TAS2R20: variants seen among roughly 807,000 people sequenced by gnomAD.
The protein encoded by TAS2R20 is taste receptor type 2 member 20.
For missense variants in TAS2R20, 364 were observed against 352.2 expected, an observed-to-expected ratio of 1.03 and a Z score of -0.27; for synonymous variants, 136 against 127.1, an observed-to-expected ratio of 1.07 and a Z score of -0.47.
chr12:10,997,728 C>A lies in TAS2R20; in HGVS notation c.148G>T (p.Ala50Ser). ...KISSADQIIA[A>S]LAVSRVGLLW... ...AAACCAACTCTGGAGACTGCCAGAG[C>A]AGCAATAATTTGATCAGCTGAGGAG... Residue 50 changes from alanine (A) to serine (S), a missense_variant, in exon 1 of 1, where the codon GCT (alanine) becomes TCT (serine). Physicochemically the swap from Ala to Ser is moderately conservative, Grantham distance 99. Coordinates refer to ENST00000538986, the MANE Select transcript of TAS2R20 (RefSeq NM_176889.4). 6.2e-7 allele frequency: 1 copy of A among 1,613,902 alleles called. No individual in the cohort carries two copies. Among genetic ancestry groups the A allele is most frequent in the South Asian group, 1.1e-5 (1 of 91,044 alleles).
rs1333388892 is a variant in TAS2R20 at position 10,996,068 on chromosome 12, G to C, written c.*878C>G. 6.6e-6 allele frequency among the ~76,000 whole-genome samples: 1 copy of C among 151,780 alleles called. No homozygotes were observed. The highest frequency in any genetic ancestry group is 1.5e-5 in the Non-Finnish European group (1 of 67,984). On this transcript the variant is annotated 3_prime_UTR_variant, in exon 1 of 1. Transcript: ENST00000538986. ...TTCATCATGAATGTCTATAATCCCAGCACTTTGGGAGGCTGAGGCAGTGGA... is the reference window on the plus strand; with the variant it reads ...TTCATCATGAATGTCTATAATCCCACCACTTTGGGAGGCTGAGGCAGTGGA...
chr12:10,997,700 A>T lies in TAS2R20; in HGVS notation c.176T>A (p.Leu59His), dbSNP rs775659847. Residue 59 changes from leucine to histidine, a missense_variant, in exon 1 of 1, where the codon CTC (leucine) becomes CAC (histidine). Coordinates refer to ENST00000538986, the MANE Select transcript of TAS2R20 (RefSeq NM_176889.4). ...AALAVSRVGLLWVILLHWYST... is the reference protein window; with the variant it reads ...AALAVSRVGLHWVILLHWYST... ...ATACCAATGTAATAATATTACCCAG[A>T]GCAAACCAACTCTGGAGACTGCCAG... is the stretch of plus-strand genomic sequence containing the variant. The T allele has an allele frequency of 5.6e-6, 9 of 1,613,876 alleles. No homozygotes were observed. The highest frequency in any genetic ancestry group is 1.7e-5 in the Admixed American group (1 of 59,962).
At position 10,998,055 on chromosome 12, in the gene TAS2R20, G is replaced by A. The variant is rs563920763; in HGVS notation, c.-180C>T. ...AGCACCAGCTTAAACTAATGAATGA[G>A]TTCAATGCTGCCTTTATGGGAAATA... On this transcript the variant is annotated 5_prime_UTR_variant, in exon 1 of 1. Coordinates refer to ENST00000538986, the MANE Select transcript of TAS2R20 (RefSeq NM_176889.4). Among the ~76,000 whole-genome samples, 133 of 152,248 alleles carry A rather than the reference G, an allele frequency of 8.7e-4. No homozygotes were observed. The highest frequency in any genetic ancestry group is 3.0e-3 in the African/African-American group (124 of 41,558).
chr12:10,997,188 T>G lies in TAS2R20; in HGVS notation c.688A>C (p.Thr230Pro). 6.2e-7 allele frequency: 1 copy of G among 1,614,070 alleles called. No homozygotes were observed. Among genetic ancestry groups the G allele is most frequent in the Non-Finnish European group, 8.5e-7 (1 of 1,179,970 alleles). The part of the protein sequence containing the change: ...STKIHIKALQ[T>P]VTSFLILLAI... ...AGTAATATGAGGAAGGAGGTCACAG[T>G]TTGCAGAGCTTTTATGTGGATCTTG... The change falls in exon 1 of 1, where the codon ACT becomes CCT. Residue 230 changes from threonine to proline, a missense_variant. Thr to Pro is a conservative substitution (Grantham distance 38). Transcript: ENST00000538986.
In TAS2R20 at chr12:10,997,134, A is replaced by G. The variant is rs781637893; in HGVS notation, c.742T>C (p.Ser248Pro). The G allele has an allele frequency of 3.1e-6, 5 of 1,613,976 alleles. No homozygotes were observed. In the East Asian group the frequency reaches 6.7e-5, roughly 22 times the overall value. Residue 248 changes from serine to proline, a missense_variant, in exon 1 of 1, where the codon TCG becomes CCG. By Grantham distance (74) the Ser-to-Pro change is moderately conservative. Transcript: ENST00000538986. ...GGTCGCATCTTAAAATTCCAAAACGATATGATTAGACACAGAAAGTAAATG... is the reference window on the plus strand; with the variant it reads ...GGTCGCATCTTAAAATTCCAAAACGGTATGATTAGACACAGAAAGTAAATG... ...LAIYFLCLII[S>P]FWNFKMRPKE...
Position 10,998,014 on chromosome 12 carries a change from A to G in TAS2R20, c.-139T>C. On this transcript the variant is annotated 5_prime_UTR_variant, in exon 1 of 1. Transcript: ENST00000538986. ...TTCTTTATACTTTTAAATTCTGTGA[A>G]CAATGTCAACAGAAAAGCACCAGCT... 1 of 595,662 alleles carries G rather than the reference A, an allele frequency of 1.7e-6. No homozygotes were observed. The highest frequency in any genetic ancestry group is 3.3e-5 in the South Asian group (1 of 30,560). 36.9% of individuals were successfully genotyped at this position (595,662 alleles called of 1,614,324 possible). A position where few individuals can be genotyped will look rare whatever the true frequency, so the allele number is the denominator to read the frequency against.
Position 10,997,973 on chromosome 12 carries a change from T to TG in TAS2R20, c.-99dup. ...TTAAGTTAAATATGCACTTGATTCCTGAATGTCCAATAACATTCTTTATAC... is the reference window on the plus strand; with the variant it reads ...TTAAGTTAAATATGCACTTGATTCCTGGAATGTCCAATAACATTCTTTATAC... On this transcript the variant is annotated 5_prime_UTR_variant, in exon 1 of 1. It removes the in-frame stop codon of an upstream open reading frame in the 5' UTR. Coordinates refer to ENST00000538986, the MANE Select transcript of TAS2R20 (RefSeq NM_176889.4). The TG allele has an allele frequency of 1.4e-6, 1 of 740,228 alleles. No individual in the cohort carries two copies. The highest frequency in any genetic ancestry group is 3.0e-5 in the Admixed American group (1 of 32,882). The allele number at this position is 740,228 out of a possible 1,614,324, so 45.9% of individuals were successfully genotyped here. A position where few individuals can be genotyped will look rare whatever the true frequency, so the allele number is the denominator to read the frequency against.
rs1940205334 is a variant in TAS2R20, at chr12:10,995,962, AT to A, written c.*983del. 6.6e-6 allele frequency among the ~76,000 whole-genome samples: 1 copy of A among 151,984 alleles called. No individual in the cohort carries two copies. On this transcript the variant is annotated 3_prime_UTR_variant, in exon 1 of 1. Coordinates refer to ENST00000538986, the MANE Select transcript of TAS2R20 (RefSeq NM_176889.4). ...ACACATAAAAATGTACACTAGATAT[AT>A]TTTTCACCCTTGAATTTTATTTTGT...
rs11054142 is a variant in TAS2R20 at position 10,997,615 on chromosome 12, G to A, written c.261C>T (p.Ala87=). 574,324 of 1,613,298 alleles carry A rather than the reference G, an allele frequency of 0.36. 113,725 individuals carry two copies. Among genetic ancestry groups the A allele is most frequent in the East Asian group, 0.75 (33,506 of 44,846 alleles). ...TGCTGAAATGATTGGTTACTGCCCA[G>A]GCATTAGAAATAAAAATTATTACTT... ...NLKVIIFISN[A]WAVTNHFSIW... Residue 87 remains alanine (A), a synonymous_variant, in exon 1 of 1, where the codon GCC becomes GCT. Coordinates refer to ENST00000538986, the MANE Select transcript of TAS2R20 (RefSeq NM_176889.4).
chr12:10,997,787 A>G lies in TAS2R20; in HGVS notation c.89T>C (p.Ile30Thr), dbSNP rs1346676228. 4 of 1,613,680 alleles carry G rather than the reference A, an allele frequency of 2.5e-6. No homozygotes were observed. Among genetic ancestry groups the G allele is most frequent in the African/African-American group, 1.3e-5 (1 of 74,924 alleles). The change falls in exon 1 of 1, where the codon ATA becomes ACA. Residue 30 changes from isoleucine to threonine, a missense_variant. By Grantham distance (89) the Ile-to-Thr change is moderately conservative (BLOSUM62 -1). Transcript: ENST00000538986. ...GNFANGFIAL[I>T]NFIAWVKRQK... is the part of the protein sequence containing the mutation. ...TCTCTTGACCCAGGCAATGAAATTT[A>G]TCAGTGCTATAAAGCCATTGGCAAA...
chr12:10,997,996 T>C lies in TAS2R20; in HGVS notation c.-121A>G, dbSNP rs1410876604. On this transcript the variant is annotated 5_prime_UTR_variant, in exon 1 of 1. Coordinates refer to ENST00000538986, the MANE Select transcript of TAS2R20 (RefSeq NM_176889.4). ...CCTGAATGTCCAATAACATTCTTTA[T>C]ACTTTTAAATTCTGTGAACAATGTC... 1.4e-5 allele frequency: 9 copies of C among 639,874 alleles called. No homozygotes were observed. Among genetic ancestry groups the C allele is most frequent in the African/African-American group, 1.3e-4 (7 of 54,730 alleles). 39.6% of individuals were successfully genotyped at this position (639,874 alleles called of 1,614,324 possible). A position where few individuals can be genotyped will look rare whatever the true frequency, so the allele number is the denominator to read the frequency against.
Position 10,997,760 on chromosome 12 carries a change from T to C in TAS2R20, c.116A>G (p.Gln39Arg), listed in dbSNP as rs144230027. The C allele has an allele frequency of 4.4e-5, 71 of 1,613,846 alleles. No homozygotes were observed. In the Admixed American group the frequency reaches 7.8e-4, roughly 18 times the overall value. Residue 39 changes from glutamine (Q) to arginine (R), a missense_variant, in exon 1 of 1, where the codon CAA becomes CGA. Physicochemically the swap from Gln to Arg is conservative, Grantham distance 43. Transcript: ENST00000538986. Reference protein sequence around the residue: ...LINFIAWVKRQKISSADQIIA... With the variant: ...LINFIAWVKRRKISSADQIIA... Reference sequence around the variant, plus strand: ...AATTTGATCAGCTGAGGAGATCTTTTGTCTCTTGACCCAGGCAATGAAATT... The same window carrying C: ...AATTTGATCAGCTGAGGAGATCTTTCGTCTCTTGACCCAGGCAATGAAATT...
rs367644602 is a variant in TAS2R20, at chr12:10,997,071, T to G, written c.805A>C (p.Ile269Leu). 1.2e-5 allele frequency: 20 copies of G among 1,614,054 alleles called. No individual in the cohort carries two copies. Among genetic ancestry groups the G allele is most frequent in the Non-Finnish European group, 1.7e-5 (20 of 1,179,958 alleles). ...IVLMLCQAFG[I>L]IYPSFHSFIL... ...AATGAGTGGAATGATGGATATATGA[T>G]TCCAAAAGCTTGGCAAAGCATTAAG... The change falls in exon 1 of 1, where the codon ATC becomes CTC. Residue 269 changes from isoleucine (I) to leucine (L), a missense_variant. Physicochemically the swap from Ile to Leu is conservative, Grantham distance 5. Coordinates refer to ENST00000538986, the MANE Select transcript of TAS2R20 (RefSeq NM_176889.4).
rs753802822 is a variant in TAS2R20, at chr12:10,997,096, G to A, written c.780C>T (p.Val260=). The A allele has an allele frequency of 5.6e-6, 9 of 1,613,928 alleles. No individual in the cohort carries two copies. The highest frequency in any genetic ancestry group is 6.8e-6 in the Non-Finnish European group (8 of 1,179,980). ...TTCCAAAAGCTTGGCAAAGCATTAAGACAATTTCTTTTGGTCGCATCTTAA... is the reference window on the plus strand; with the variant it reads ...TTCCAAAAGCTTGGCAAAGCATTAAAACAATTTCTTTTGGTCGCATCTTAA... ...WNFKMRPKEI[V]LMLCQAFGII... is the part of the protein sequence containing the mutation. Residue 260 remains valine (V), a synonymous_variant, in exon 1 of 1, where the codon GTC becomes GTT. Coordinates refer to ENST00000538986, the MANE Select transcript of TAS2R20 (RefSeq NM_176889.4).
At position 10,997,961 on chromosome 12, in the gene TAS2R20, G is replaced by A. The variant is rs934160984; in HGVS notation, c.-86C>T. The A allele has an allele frequency of 1.4e-5, 11 of 781,932 alleles. No individual in the cohort carries two copies. The African/African-American group carries it at 1.9e-4, about 14-fold the overall frequency. 48.4% of individuals were successfully genotyped at this position (781,932 alleles called of 1,614,324 possible). A position where few individuals can be genotyped will look rare whatever the true frequency, so the allele number is the denominator to read the frequency against. ...ATATTCAAGACTTTAAGTTAAATATGCACTTGATTCCTGAATGTCCAATAA... is the reference window on the plus strand; with the variant it reads ...ATATTCAAGACTTTAAGTTAAATATACACTTGATTCCTGAATGTCCAATAA... On this transcript the variant is annotated 5_prime_UTR_variant, in exon 1 of 1. Transcript: ENST00000538986.
At position 10,997,591 on chromosome 12, in the gene TAS2R20, G is replaced by A; in HGVS notation, c.285C>T (p.Ser95=). The change falls in exon 1 of 1, where the codon AGC becomes AGT. Residue 95 remains serine (S), a synonymous_variant. Transcript: ENST00000538986. ...TGCTGAGGCTAGTAGCAAGCCAGAT[G>A]CTGAAATGATTGGTTACTGCCCAGG... ...SNAWAVTNHF[S]IWLATSLSIF... The A allele has an allele frequency of 6.2e-7, 1 of 1,614,082 alleles. No individual in the cohort carries two copies. The highest frequency in any genetic ancestry group is 8.5e-7 in the Non-Finnish European group (1 of 1,179,972).
chr12:10,997,232 C>T lies in TAS2R20; in HGVS notation c.644G>A (p.Gly215Glu), dbSNP rs758551086. The T allele has an allele frequency of 2.5e-5, 40 of 1,613,828 alleles. No homozygotes were observed. The highest frequency in any genetic ancestry group is 3.3e-5 in the Non-Finnish European group (39 of 1,179,918). ...GATCTTGGTGCTGGGATCTTGAGATCCTTTGCCATGGAGCTGCATCTTCTT... is the reference window on the plus strand; with the variant it reads ...GATCTTGGTGCTGGGATCTTGAGATTCTTTGCCATGGAGCTGCATCTTCTT... ...HLKKMQLHGK[G>E]SQDPSTKIHI... The change falls in exon 1 of 1, where the codon GGA becomes GAA. Residue 215 changes from glycine to glutamate, a missense_variant. Physicochemically the swap from Gly to Glu is moderately conservative, Grantham distance 98. Transcript: ENST00000538986.
rs780242860 is a variant in TAS2R20, at chr12:10,997,339, T to G, written c.537A>C (p.Val179=). Residue 179 remains valine (V), a synonymous_variant, in exon 1 of 1, where the codon GTA becomes GTC. Transcript: ENST00000538986. ...ATGGTATCAAGTTTGCTAGCATGGC[T>G]ACAGTCAAGTTGGAAAGGTGCATTG... ...RNAMHLSNLT[V]AMLANLIPFT... 1 of 1,614,112 alleles carries G rather than the reference T, an allele frequency of 6.2e-7. No individual in the cohort carries two copies. Among genetic ancestry groups the G allele is most frequent in the Non-Finnish European group, 8.5e-7 (1 of 1,179,998 alleles).
rs1177399836 is a variant in TAS2R20 at position 10,998,117 on chromosome 12, C to A, written c.-242G>T. ...AAAACAACTCAAATTAATTCTTATT[C>A]ATAAAGTCTCTATTCTTGCTATAGG... is the stretch of plus-strand genomic sequence containing the variant. On this transcript the variant is annotated 5_prime_UTR_variant, in exon 1 of 1. An upstream start codon of the reference 5' UTR is lost. Coordinates refer to ENST00000538986, the MANE Select transcript of TAS2R20 (RefSeq NM_176889.4). Among the ~76,000 whole-genome samples the A allele has an allele frequency of 6.6e-6, 1 of 152,118 alleles. No homozygotes were observed. The highest frequency in any genetic ancestry group is 1.5e-5 in the Non-Finnish European group (1 of 68,018).
Sources: gnomAD v4.1 joint callset for allele counts (sites outside exome capture counted in the v4.1 genomes callset) on GRCh38, gnomAD v4.1.1 for gene constraint, MANE v1.5 for transcripts, NCBI Gene and HGNC (gene_info 2026-07-23, HGNC 2026-07-21) for gene names.